The following SLC7A9 variants were observed in gnomAD, a reference collection of about 807,000 sequenced individuals.
The protein encoded by SLC7A9 is solute carrier family 7 member 9.
Under a neutral mutation model 54.1 loss-of-function variants are expected in SLC7A9, and 38 were observed. The observed-to-expected ratio is 0.70, with a 90% CI of 0.54 to 0.92. SLC7A9 has a LOEUF of 0.92. SLC7A9 is among the 40% of genes least tolerant of loss of function. The pLI, the probability that SLC7A9 is intolerant of heterozygous loss-of-function variation, is 0.00. For synonymous variants in SLC7A9, 264 were observed against 258.9 expected (o/e 1.02, Z -0.19); for missense variants, 537 against 636.1 (o/e 0.84, Z 1.68).
chr19:32,856,285 C>T (rs1306758877), intron 9 of SLC7A9, among the ~76,000 whole-genome samples: 1 of 149,928 alleles, frequency 6.7e-6, no homozygotes, highest in East Asian at 2.0e-4. Flanking sequence ...AGCTCTGCCT[C>T]CTGGGTTCAC....
At chr19:32,848,706 T>C (rs1968374015) in intron 9 of SLC7A9, among the ~76,000 whole-genome samples, 1 of 152,096 alleles carries the variant, frequency 6.6e-6, no homozygotes, top group African/African-American at 2.4e-5. Context: ...TACAGAACTC[T>C]CCACCCCAAA....
At chr19:32,832,323 A>G (rs1230317743) in intron 12 of SLC7A9, among the ~76,000 whole-genome samples, 1 of 151,900 alleles carries the variant, frequency 6.6e-6, no homozygotes, top group Non-Finnish European at 1.5e-5. Context: ...GCAGTGGCTG[A>G]CATCTGTAAT....
intron 6 of SLC7A9, 147 bp downstream of exon 6, chr19:32,861,971 C>G (rs1968812282): frequency 1.4e-6 from 1 of 722,476 alleles, no homozygotes; most frequent in Non-Finnish European, 2.5e-6. Context: ...TTGTCGCATC[C>G]TTCACAAAAA....
intron 2 of SLC7A9, among the ~76,000 whole-genome samples, chr19:32,867,422 CAGG>C (rs1428531420): frequency 6.6e-6 from 1 of 151,768 alleles, no homozygotes; most frequent in Non-Finnish European, 1.5e-5. Context: ...GAGGCTGAGG[CAGG>C]AGGATTGCTT....
At chr19:32,838,573 TATC>T (rs761115574) in intron 11 of SLC7A9, among the ~76,000 whole-genome samples, 4 of 147,934 alleles carry the variant, frequency 2.7e-5, no homozygotes, top group South Asian at 2.1e-4. Flanking sequence ...TATATATACA[TATC>T]ATGTGTATAT....
intron 9 of SLC7A9, among the ~76,000 whole-genome samples, chr19:32,849,595 C>T (rs1435587155): frequency 6.6e-6 from 1 of 151,650 alleles, no homozygotes; most frequent in Admixed American, 6.6e-5. Flanking sequence ...CGAATTCTAC[C>T]AGAGGTACAA....
At chr19:32,833,050 G>A in intron 12 of SLC7A9, 99 bp downstream of exon 12, 2 of 1,136,478 alleles carry the variant, frequency 1.8e-6, no homozygotes, top group Non-Finnish European at 2.7e-6. Flanking sequence ...TGCCAGCAGG[G>A]TGAGACACTG....
chr19:32,835,638 CTG>C (rs1967934124), intron 11 of SLC7A9, among the ~76,000 whole-genome samples: 1 of 152,130 alleles, frequency 6.6e-6, no homozygotes, highest in South Asian at 2.1e-4. Context: ...TTCAAAAAGA[CTG>C]ATTATTATTC....
intron 6 of SLC7A9, among the ~76,000 whole-genome samples, chr19:32,861,240 A>C (rs1968791541): frequency 6.6e-6 from 1 of 151,780 alleles, no homozygotes; most frequent in Non-Finnish European, 1.5e-5. Context: ...GAGGCAGGAG[A>C]ATTGCTTGAA....
intron 10 of SLC7A9, 128 bp downstream of exon 10, chr19:32,843,727 C>T (rs1968194107): frequency 2.8e-6 from 2 of 714,092 alleles, no homozygotes; most frequent in Non-Finnish European, 5.1e-6. Flanking sequence ...TGTCCTGGGA[C>T]TCTTTCTATA....
chr19:32,842,372 G>T, intron 10 of SLC7A9, 55 bp from the exon 11 acceptor site: 1 of 1,543,034 alleles, frequency 6.5e-7, no homozygotes, highest in South Asian at 1.1e-5. Context: ...CTGTTCTCAT[G>T]TCACAGAAGA....
At chr19:32,855,074 A>G (rs1968579037) in intron 9 of SLC7A9, among the ~76,000 whole-genome samples, 1 of 152,222 alleles carries the variant, frequency 6.6e-6, no homozygotes, top group African/African-American at 2.4e-5. Context: ...ATGAATGAAT[A>G]AAAATAATGT....
intron 9 of SLC7A9, among the ~76,000 whole-genome samples, chr19:32,844,857 C>CAAAAAAAAAAAAAAAAAAAAAAA (rs386388892): frequency 3.6e-4 from 11 of 30,314 alleles, no homozygotes; most frequent in Non-Finnish European, 4.7e-4. Context: ...GAATCCATCT[C>CAAAAAAAAAAAAAAAAAAAAAAA]AAAAAAAAAA....
intron 9 of SLC7A9, among the ~76,000 whole-genome samples, chr19:32,855,435 C>G (rs12459052): frequency 7.9e-5 from 12 of 151,958 alleles, no homozygotes; most frequent in Non-Finnish European, 1.5e-4. Context: ...CGCGGTGGCT[C>G]ACGCCTGTAA....
Position 32,864,752 on chromosome 19 carries a change from T to C in SLC7A9, c.112A>G (p.Ile38Val). 2 of 1,614,100 alleles carry C rather than the reference T, an allele frequency of 1.2e-6. No homozygotes were observed. The highest frequency in any genetic ancestry group is 8.5e-7 in the Non-Finnish European group (1 of 1,180,002). The change falls in exon 3 of 13, where the codon ATC becomes GTC. Residue 38 changes from isoleucine to valine, a missense_variant. Ile to Val is a conservative substitution (Grantham distance 29, BLOSUM62 3). Transcript: ENST00000023064. ...KELGLISGIS[I>V]IVGTIIGSGI... ...GAGCCAATGATGGTGCCCACGATGA[T>C]GGAGATGCCACTGATGAGGCCCAGC...
intron 9 of SLC7A9, among the ~76,000 whole-genome samples, chr19:32,855,907 T>C (rs1968614495): frequency 6.6e-6 from 1 of 152,178 alleles, no homozygotes; most frequent in Non-Finnish European, 1.5e-5. Context: ...TAAATCTGCC[T>C]TTCCTGACCT....
intron 9 of SLC7A9, among the ~76,000 whole-genome samples, chr19:32,856,070 C>G (rs1968618054): frequency 6.6e-6 from 1 of 151,876 alleles, no homozygotes; most frequent in African/African-American, 2.4e-5. Flanking sequence ...CCTGGGATGG[C>G]AAAAGGGGAA....
rs745386822 is a variant in SLC7A9, at chr19:32,843,988, T to C, written c.978-37A>G. The C allele has an allele frequency of 1.3e-5, 20 of 1,487,244 alleles. No individual in the cohort carries two copies. In the South Asian group the frequency reaches 2.3e-4, roughly 17 times the overall value. 92.1% of individuals were successfully genotyped at this position (1,487,244 alleles called of 1,614,324 possible). On this transcript the variant is annotated intron_variant, in intron 9 of 12. Transcript: ENST00000023064. ...CGACACGGGAGTCCGCTGACCAGAG[T>C]GCAGACCATCTGTCCAGGGCCACTG...
intron 11 of SLC7A9, among the ~76,000 whole-genome samples, chr19:32,834,975 A>G (rs1967915867): frequency 6.6e-6 from 1 of 152,054 alleles, no homozygotes; most frequent in South Asian, 2.1e-4. Flanking sequence ...TTTTTAGTAG[A>G]GACAGGGTTT....
Sources: allele counts gnomAD v4.1 joint callset (sites outside exome capture counted in the v4.1 genomes callset), GRCh38; gene constraint gnomAD v4.1.1; transcripts MANE v1.5; gene names NCBI Gene and HGNC (gene_info 2026-07-23, HGNC 2026-07-21).